The following STAU2 variants were observed in gnomAD, a reference collection of about 807,000 sequenced individuals.
STAU2 encodes staufen double-stranded RNA binding protein 2, also known as double-stranded RNA-binding protein Staufen homolog 2.
Under a neutral mutation model 65.9 loss-of-function variants are expected in STAU2, and 20 were observed. The ratio of observed to expected loss-of-function variants is 0.30; its 90% CI spans 0.21 to 0.44. The LOEUF (loss-of-function observed/expected upper bound fraction) is 0.44. Among genes scored for constraint, STAU2 ranks in the 20% least tolerant of loss-of-function variants. The pLI is 1.00. For synonymous variants in STAU2, 232 were observed against 233.9 expected (o/e 0.99, Z 0.07); for missense variants, 558 against 683.9 (o/e 0.82, Z 2.05).
At chr8:73,533,948 TG>T (rs1806008711) in intron 13 of STAU2, among the ~76,000 whole-genome samples, 1 of 152,200 alleles carries the variant, frequency 6.6e-6, no homozygotes. Context: ...AGCAGGGAAC[TG>T]GGTTAACTGC....
intron 3 of STAU2, among the ~76,000 whole-genome samples, chr8:73,733,644 C>A (rs1806229016): frequency 6.6e-6 from 1 of 151,924 alleles, no homozygotes; most frequent in Non-Finnish European, 1.5e-5. Flanking sequence ...ATGTTATTTA[C>A]AAATAAAAAG....
At chr8:73,564,290 T>C (rs1046197087) in intron 12 of STAU2, among the ~76,000 whole-genome samples, 8 of 152,180 alleles carry the variant, frequency 5.3e-5, no homozygotes, top group Admixed American at 2.0e-4. Context: ...ACATACAGCA[T>C]GGAATACTAT....
At chr8:73,662,858 C>T (rs1381583589) in intron 6 of STAU2, among the ~76,000 whole-genome samples, 1 of 152,072 alleles carries the variant, frequency 6.6e-6, no homozygotes, top group Non-Finnish European at 1.5e-5. Context: ...TCAGGTAATC[C>T]ACCTGCCTCA....
At chr8:73,426,449 C>T (rs1816831711) in intron 13 of STAU2, among the ~76,000 whole-genome samples, 1 of 152,026 alleles carries the variant, frequency 6.6e-6, no homozygotes, top group African/African-American at 2.4e-5. Context: ...TAATAAATTT[C>T]TCCCTATCCC....
chr8:73,577,456 T>TAC (rs1554544369), intron 12 of STAU2, among the ~76,000 whole-genome samples: 19 of 150,284 alleles, frequency 1.3e-4, no homozygotes, highest in East Asian at 1.9e-4. Context: ...TATATATATA[T>TAC]ACACACACAT....
intron 3 of STAU2, among the ~76,000 whole-genome samples, chr8:73,725,281 T>C (rs1318207539): frequency 6.6e-6 from 1 of 152,244 alleles, no homozygotes; most frequent in African/African-American, 2.4e-5. Context: ...TTTTATATCC[T>C]ACATAGGCTT....
chr8:73,717,289 TTTATC>T (rs1563526370), intron 3 of STAU2, among the ~76,000 whole-genome samples: 1 of 152,142 alleles, frequency 6.6e-6, no homozygotes, highest in Non-Finnish European at 1.5e-5. Flanking sequence ...AATAGTCTAA[TTTATC>T]AATTTTTATA....
At chr8:73,520,058 G>A (rs1349986909) in intron 13 of STAU2, among the ~76,000 whole-genome samples, 2 of 152,244 alleles carry the variant, frequency 1.3e-5, no homozygotes, top group Non-Finnish European at 2.9e-5. Context: ...GGGCCAGGCA[G>A]AGGGAACACA....
chr8:73,475,436 C>T (rs1039704708), intron 13 of STAU2, among the ~76,000 whole-genome samples: 9 of 152,054 alleles, frequency 5.9e-5, no homozygotes, highest in African/African-American at 2.2e-4. Flanking sequence ...GCAGCTGAGA[C>T]CCGGAACATA....
chr8:73,583,306 C>T (rs1051411279), intron 11 of STAU2, among the ~76,000 whole-genome samples: 12 of 151,868 alleles, frequency 7.9e-5, no homozygotes, highest in Non-Finnish European at 1.2e-4. Flanking sequence ...CCACCACGCC[C>T]GGCTAATTTT....
In STAU2 at chr8:73,436,088, G is replaced by A. The variant is rs540903693; in HGVS notation, c.1531-13386C>T. 2.4e-4 allele frequency among the ~76,000 whole-genome samples: 37 copies of A among 151,976 alleles called. 1 individual carries two copies. The highest frequency in any genetic ancestry group is 4.1e-4 in the Non-Finnish European group (28 of 68,032). ...AGGAATTTCATTTTGGTTTGAGTAA[G>A]CAATTGATAAAACCTTACATTACGG... On this transcript the variant is annotated intron_variant, in intron 13 of 14. Transcript: ENST00000524300.
At position 73,603,487 on chromosome 8, in the gene STAU2, A is replaced by G. The variant is rs79113543; in HGVS notation, c.1029+239T>C. On this transcript the variant is annotated intron_variant, in intron 10 of 14. Coordinates refer to ENST00000524300, the MANE Select transcript of STAU2 (RefSeq NM_001164380.2). ...AGATAGGCATTAAATGATAAACTCC[A>G]TGGTAAATAACCTGTGTGAACTCAG... Among the ~76,000 whole-genome samples, 221 of 152,356 alleles carry G rather than the reference A, an allele frequency of 1.5e-3. 1 individual carries two copies. The highest frequency in any genetic ancestry group is 5.0e-3 in the African/African-American group (210 of 41,588).
At chr8:73,685,349 G>A (rs1234099048) in intron 5 of STAU2, among the ~76,000 whole-genome samples, 4 of 151,808 alleles carry the variant, frequency 2.6e-5, no homozygotes, top group South Asian at 2.1e-4. Context: ...GGATGTTGGC[G>A]TGGATGTGGT....
intron 13 of STAU2, among the ~76,000 whole-genome samples, chr8:73,448,973 A>G (rs1818638114): frequency 1.3e-5 from 2 of 152,162 alleles, no homozygotes; most frequent in South Asian, 4.1e-4. Flanking sequence ...TGGGGCTGGG[A>G]AGACTTCCTG....
intron 4 of STAU2, among the ~76,000 whole-genome samples, chr8:73,706,694 G>A (rs1164813777): frequency 1.3e-5 from 2 of 152,082 alleles, no homozygotes; most frequent in African/African-American, 4.8e-5. Context: ...GGCTAAGGGG[G>A]GTGGTGTATC....
intron 10 of STAU2, among the ~76,000 whole-genome samples, chr8:73,597,513 A>T (rs112740676): frequency 0.041 from 6,191 of 150,696 alleles, 394 homozygotes; most frequent in African/African-American, 0.14. Flanking sequence ...ATAAAAAAAA[A>T]AAAAAAATTA....
intron 6 of STAU2, among the ~76,000 whole-genome samples, chr8:73,636,631 G>A (rs1814536328): frequency 6.6e-6 from 1 of 152,160 alleles, no homozygotes; most frequent in East Asian, 1.9e-4. Context: ...GGTAGGCTGG[G>A]GTGGGTGGGT....
At chr8:73,536,543 G>A (rs62508207) in intron 13 of STAU2, among the ~76,000 whole-genome samples, 4,737 of 152,168 alleles carry the variant, frequency 0.031, 176 homozygotes, top group African/African-American at 0.085. Context: ...GTAATGAGGC[G>A]ACCCAATTTC....
At chr8:73,518,565 T>C (rs994120592) in intron 13 of STAU2, among the ~76,000 whole-genome samples, 13 of 152,230 alleles carry the variant, frequency 8.5e-5, no homozygotes, top group Non-Finnish European at 1.8e-4. Context: ...TCAAATTCCA[T>C]ATAATTTTCA....
Sources: allele counts gnomAD v4.1 joint callset (sites outside exome capture counted in the v4.1 genomes callset), GRCh38; gene constraint gnomAD v4.1.1; transcripts MANE v1.5; gene names NCBI Gene and HGNC (gene_info 2026-07-23, HGNC 2026-07-21).